TNFSF4: variants seen among roughly 807,000 people sequenced by gnomAD.
TNFSF4 encodes the protein TNF superfamily member 4, also known as tumor necrosis factor ligand superfamily member 4.
In TNFSF4, 4 loss-of-function variants were observed where a neutral mutation model predicts 7.3. That is an observed-to-expected ratio of 0.55 (90% confidence interval 0.27 to 1.25). The LOEUF (loss-of-function observed/expected upper bound fraction) is 1.25, where lower values mean the gene tolerates loss of function less well. Among genes scored for constraint, TNFSF4 ranks in the 50% most tolerant of loss-of-function variants. TNFSF4 has a pLI of 0.12. For synonymous variants in TNFSF4, 76 were observed against 83.7 expected (o/e 0.91, Z 0.50); for missense variants, 181 against 208.8 (o/e 0.87, Z 0.82).
At chr1:173,274,124 T>TACACACACACACACACACAC in the TNFSF4 span, among the ~76,000 whole-genome samples, 194 of 145,500 alleles carry the variant, frequency 1.3e-3, 1 homozygote, top group African/African-American at 4.2e-3. Flanking sequence ...TCCATGTTCA[T>TACACACACACACACACACAC]ACACACACAC....
chr1:173,206,245 C>A (rs1402878012), intron 1 of TNFSF4, among the ~76,000 whole-genome samples: 2 of 151,796 alleles, frequency 1.3e-5, no homozygotes, highest in Non-Finnish European at 2.9e-5. Context: ...GAAGAACATC[C>A]TTAAATACCT....
chr1:173,260,752 A>G, the TNFSF4 span, among the ~76,000 whole-genome samples: 6 of 152,234 alleles, frequency 3.9e-5, no homozygotes, highest in East Asian at 1.2e-3. Flanking sequence ...AGGGCATTAC[A>G]TAATGGTAAA....
At chr1:173,379,632 A>C in the TNFSF4 span, among the ~76,000 whole-genome samples, 3 of 152,212 alleles carry the variant, frequency 2.0e-5, no homozygotes, top group African/African-American at 4.8e-5. Flanking sequence ...TAAACCTGGC[A>C]ACCTCAGTGT....
chr1:173,434,170 A>G, the TNFSF4 span, among the ~76,000 whole-genome samples: 1 of 152,172 alleles, frequency 6.6e-6, no homozygotes, highest in Non-Finnish European at 1.5e-5. Context: ...TCATCTGCTC[A>G]GTTTGTGGTA....
chr1:173,190,323 A>G (rs996714081), intron 1 of TNFSF4, among the ~76,000 whole-genome samples: 1 of 152,240 alleles, frequency 6.6e-6, no homozygotes. Flanking sequence ...GGGTAGGGGA[A>G]TTCCTGTTTC....
chr1:173,175,016 T>C, the TNFSF4 span: 2 of 152,230 alleles, frequency 1.3e-5, no homozygotes, highest in Non-Finnish European at 2.9e-5. Flanking sequence ...TACGTCTTTG[T>C]TTTCTGTGAA....
At chr1:173,300,118 GATAGATAGAT>G in the TNFSF4 span, among the ~76,000 whole-genome samples, 54 of 148,222 alleles carry the variant, frequency 3.6e-4, 1 homozygote, top group Non-Finnish European at 1.5e-5. Flanking sequence ...TAGATAGATA[GATAGATAGAT>G]AGATAGATAG....
chr1:173,425,464 T>A, the TNFSF4 span, among the ~76,000 whole-genome samples: 1 of 152,098 alleles, frequency 6.6e-6, no homozygotes, highest in African/African-American at 2.4e-5. Context: ...GGAAATGGAA[T>A]CCCCAGGATT....
the TNFSF4 span, chr1:173,351,846 G>A: frequency 2.5e-5 from 15 of 602,448 alleles, no homozygotes; most frequent in Non-Finnish European, 4.3e-5. Context: ...AAAGGCCAAT[G>A]GCACAACTGT....
chr1:173,430,500 G>T, the TNFSF4 span, among the ~76,000 whole-genome samples: 1 of 152,296 alleles, frequency 6.6e-6, no homozygotes, highest in East Asian at 1.9e-4. Flanking sequence ...AAAGTCAAGG[G>T]AAAGTATTAT....
the TNFSF4 span, among the ~76,000 whole-genome samples, chr1:173,264,444 C>T: frequency 3.3e-5 from 5 of 151,884 alleles, no homozygotes; most frequent in Admixed American, 6.6e-5. Flanking sequence ...TGTAAGCCGC[C>T]ATGCCTGGCC....
At chr1:173,339,654 A>G in the TNFSF4 span, among the ~76,000 whole-genome samples, 1 of 152,188 alleles carries the variant, frequency 6.6e-6, no homozygotes, top group Admixed American at 6.6e-5. Context: ...AAGTATTGTT[A>G]ATTTTACAAC....
the TNFSF4 span, among the ~76,000 whole-genome samples, chr1:173,359,678 G>T: frequency 2.0e-5 from 3 of 151,818 alleles, no homozygotes; most frequent in Non-Finnish European, 4.4e-5. Context: ...TTTCCTTCAT[G>T]CTTCCTTCTT....
chr1:173,396,619 C>T, the TNFSF4 span, among the ~76,000 whole-genome samples: 167 of 152,260 alleles, frequency 1.1e-3, no homozygotes, highest in African/African-American at 3.9e-3. Context: ...AAATGTTGAG[C>T]TCAAGGAATT....
At chr1:173,204,922 C>A (rs3980351) in intron 1 of TNFSF4, among the ~76,000 whole-genome samples, 45 of 115,996 alleles carry the variant, frequency 3.9e-4, no homozygotes, top group African/African-American at 1.1e-3. Flanking sequence ...CACACACACA[C>A]AAACACACAC....
upstream of TNFSF4, among the ~76,000 whole-genome samples, chr1:173,209,541 G>A (rs547037251): frequency 2.6e-5 from 4 of 152,236 alleles, no homozygotes; most frequent in African/African-American, 9.6e-5. Flanking sequence ...GTCTCACTCT[G>A]TTGCCCAGGC....
the TNFSF4 span, among the ~76,000 whole-genome samples, chr1:173,245,289 G>A: frequency 6.6e-6 from 1 of 152,120 alleles, no homozygotes; most frequent in Admixed American, 6.5e-5. Context: ...TTTTGCTGTT[G>A]CTGATACTAT....
the TNFSF4 span, among the ~76,000 whole-genome samples, chr1:173,264,262 C>G: frequency 6.6e-6 from 1 of 151,908 alleles, no homozygotes; most frequent in Non-Finnish European, 1.5e-5. Flanking sequence ...ATCCTCCCAC[C>G]TCAGCCTCCC....
chr1:173,408,054 C>G, the TNFSF4 span, among the ~76,000 whole-genome samples: 1 of 152,114 alleles, frequency 6.6e-6, no homozygotes, highest in African/African-American at 2.4e-5. Flanking sequence ...ATGCTGGCAC[C>G]CTCATCTTGA....
Sources: allele counts gnomAD v4.1 joint callset (sites outside exome capture counted in the v4.1 genomes callset), GRCh38; gene constraint gnomAD v4.1.1; transcripts MANE v1.5; gene names NCBI Gene and HGNC (gene_info 2026-07-23, HGNC 2026-07-21).